Variants in CCDC91 observed in about 807,000 individuals in gnomAD.
CCDC91 encodes the protein coiled-coil domain-containing protein 91.
Under a neutral mutation model 63.2 loss-of-function variants are expected in CCDC91, and 48 were observed. The ratio of observed to expected loss-of-function variants is 0.76; its 90% CI spans 0.60 to 0.97. The LOEUF (loss-of-function observed/expected upper bound fraction) is 0.97, where lower values mean the gene tolerates loss of function less well. Ranked by LOEUF, CCDC91 falls within the 50% of genes least tolerant of loss-of-function variation. The pLI is 0.00. For synonymous variants in CCDC91, 167 were observed against 165.8 expected (o/e 1.01, Z -0.06); for missense variants, 500 against 494.6 (o/e 1.01, Z -0.10).
intron 1 of CCDC91, among the ~76,000 whole-genome samples, chr12:28,208,521 T>TG: frequency 6.6e-6 from 1 of 152,326 alleles, no homozygotes; most frequent in East Asian, 1.9e-4. Flanking sequence ...AGGGGCCCTC[T>TG]GGAGCATTCC....
chr12:28,520,581 T>A (rs992362919), intron 12 of CCDC91, among the ~76,000 whole-genome samples: 2 of 152,190 alleles, frequency 1.3e-5, no homozygotes, highest in African/African-American at 4.8e-5. Flanking sequence ...TTTAATTAGA[T>A]CCCATTTGTC....
chr12:28,515,774 T>G (rs1242145577), intron 12 of CCDC91, among the ~76,000 whole-genome samples: 1 of 151,820 alleles, frequency 6.6e-6, no homozygotes, highest in Non-Finnish European at 1.5e-5. Context: ...TTAACATAGA[T>G]TCTATGTTAT....
intron 8 of CCDC91, among the ~76,000 whole-genome samples, chr12:28,404,316 T>C (rs1946801360): frequency 6.6e-6 from 1 of 152,110 alleles, no homozygotes; most frequent in South Asian, 2.1e-4. Flanking sequence ...TATTCTCCTA[T>C]TATTGATTTT....
chr12:28,433,050 T>G (rs769275300), intron 8 of CCDC91, among the ~76,000 whole-genome samples: 15 of 152,086 alleles, frequency 9.9e-5, no homozygotes, highest in Non-Finnish European at 2.1e-4. Context: ...TTACCCATTT[T>G]TTTTTAAGTC....
At chr12:28,501,635 C>T (rs1937887363) in intron 12 of CCDC91, among the ~76,000 whole-genome samples, 1 of 151,356 alleles carries the variant, frequency 6.6e-6, no homozygotes, top group Non-Finnish European at 1.5e-5. Context: ...ATTTTTGCAT[C>T]AATGTTCATC....
intron 10 of CCDC91, 119 bp downstream of exon 10, chr12:28,450,537 C>T (rs566636806): frequency 7.4e-6 from 5 of 673,160 alleles, no homozygotes; most frequent in African/African-American, 7.3e-5. Flanking sequence ...GTTTTTATTT[C>T]TTTTATTTAC....
intron 6 of CCDC91, among the ~76,000 whole-genome samples, chr12:28,308,031 G>A (rs1938929461): frequency 6.6e-6 from 1 of 151,908 alleles, no homozygotes; most frequent in Admixed American, 6.6e-5. Flanking sequence ...TCTAATTTTT[G>A]TTATAATAAT....
intron 8 of CCDC91, among the ~76,000 whole-genome samples, chr12:28,425,072 G>A (rs999999386): frequency 6.6e-6 from 1 of 151,976 alleles, no homozygotes; most frequent in African/African-American, 2.4e-5. Context: ...CTGACCATAA[G>A]TATTTCAAAA....
intron 6 of CCDC91, among the ~76,000 whole-genome samples, chr12:28,358,525 T>A (rs1381386019): frequency 6.6e-6 from 1 of 152,188 alleles, no homozygotes; most frequent in Admixed American, 6.5e-5. Context: ...TCAAGTAAAA[T>A]TTCACGCTCT....
chr12:28,376,107 G>A (rs993206976), intron 7 of CCDC91, among the ~76,000 whole-genome samples: 2 of 151,638 alleles, frequency 1.3e-5, no homozygotes. Context: ...GACATTTGTC[G>A]AGTTTTTCTT....
intron 6 of CCDC91, among the ~76,000 whole-genome samples, chr12:28,330,422 A>G (rs1032400468): frequency 6.6e-6 from 1 of 150,678 alleles, no homozygotes; most frequent in Non-Finnish European, 1.5e-5. Flanking sequence ...TTCTTCTGAG[A>G]AGTGTCTGTT....
At chr12:28,218,578 T>C (rs1393561225) in intron 1 of CCDC91, among the ~76,000 whole-genome samples, 1 of 152,126 alleles carries the variant, frequency 6.6e-6, no homozygotes, top group Non-Finnish European at 1.5e-5. Context: ...AATGTTCCCT[T>C]GTGCCTCATA....
intron 12 of CCDC91, 49 bp from the exon 13 acceptor site, chr12:28,549,014 C>G (rs761476852): frequency 1.6e-6 from 2 of 1,256,592 alleles, no homozygotes; most frequent in African/African-American, 3.0e-5. Context: ...TATCCTTCAA[C>G]TCAGTATTTT....
intron 12 of CCDC91, among the ~76,000 whole-genome samples, chr12:28,500,199 T>TC (rs1952560820): frequency 6.6e-6 from 1 of 151,834 alleles, no homozygotes; most frequent in Admixed American, 6.6e-5. Flanking sequence ...GTTTTTTTTT[T>TC]TTCTTGTAAA....
intron 6 of CCDC91, among the ~76,000 whole-genome samples, chr12:28,326,104 A>C (rs1271911948): frequency 6.6e-6 from 1 of 151,984 alleles, no homozygotes; most frequent in Non-Finnish European, 1.5e-5. Flanking sequence ...TTTGTCTAAG[A>C]GATATTTGTG....
In CCDC91 at chr12:28,389,066, G is replaced by A. The variant is rs147152143; in HGVS notation, c.655-2238G>A. On this transcript the variant is annotated intron_variant, in intron 7 of 12. Coordinates refer to ENST00000536442, the MANE Select transcript of CCDC91 (RefSeq NM_018318.5). ...GGAACAGTCAGCAGAGTAAACAGAC[G>A]ACCCACAGAGTGGGAGAAAATCTTC... Among the ~76,000 whole-genome samples, 1,403 of 152,208 alleles carry A rather than the reference G, an allele frequency of 9.2e-3. 27 individuals are homozygous for A. Among genetic ancestry groups the A allele is most frequent in the African/African-American group, 0.032 (1,334 of 41,522 alleles).
At chr12:28,224,660 T>C (rs924228752) in intron 1 of CCDC91, among the ~76,000 whole-genome samples, 1 of 152,210 alleles carries the variant, frequency 6.6e-6, no homozygotes. Flanking sequence ...TACACTGAAA[T>C]CTTTAATAAT....
chr12:28,403,638 A>G (rs1342246999), intron 8 of CCDC91, among the ~76,000 whole-genome samples: 1 of 152,108 alleles, frequency 6.6e-6, no homozygotes, highest in Admixed American at 6.6e-5. Context: ...CTAGGATTTC[A>G]ACATATGAAT....
intron 6 of CCDC91, among the ~76,000 whole-genome samples, chr12:28,342,047 T>C (rs1242581829): frequency 6.6e-6 from 1 of 152,184 alleles, no homozygotes; most frequent in Admixed American, 6.5e-5. Context: ...TGGATTCCCC[T>C]GATAGCCCCA....
Sources: gnomAD v4.1 joint callset for allele counts (sites outside exome capture counted in the v4.1 genomes callset) on GRCh38, gnomAD v4.1.1 for gene constraint, MANE v1.5 for transcripts, NCBI Gene and HGNC (gene_info 2026-07-23, HGNC 2026-07-21) for gene names.